RUBCN: variants seen among roughly 807,000 people sequenced by gnomAD.
RUBCN encodes the protein run domain Beclin-1-interacting and cysteine-rich domain-containing protein.
Under a neutral mutation model 113.2 loss-of-function variants are expected in RUBCN, and 74 were observed. The ratio of observed to expected loss-of-function variants is 0.65; its 90% CI spans 0.54 to 0.79. The LOEUF is 0.79. Among genes scored for constraint, RUBCN ranks in the 30% least tolerant of loss-of-function variants. RUBCN has a pLI of 0.00. For missense variants in RUBCN, 1,109 were observed against 1,251.7 expected, an observed-to-expected ratio of 0.89 and a Z score of 1.72; for synonymous variants, 480 against 490.0, an observed-to-expected ratio of 0.98 and a Z score of 0.27.
chr3:197,726,090 G>A (rs1726713907), intron 1 of RUBCN, among the ~76,000 whole-genome samples: 2 of 152,020 alleles, frequency 1.3e-5, no homozygotes, highest in Admixed American at 1.3e-4. Context: ...ACCCACTATA[G>A]CTCCTTTATT....
At chr3:197,684,968 T>G (rs1317136389) in intron 11 of RUBCN, among the ~76,000 whole-genome samples, 1 of 152,168 alleles carries the variant, frequency 6.6e-6, no homozygotes, top group Non-Finnish European at 1.5e-5. Context: ...TTAGAAAAGC[T>G]TCATGGAGGA....
chr3:197,703,431 A>AAAAAC, intron 5 of RUBCN, 117 bp downstream of exon 5: 1 of 473,952 alleles, frequency 2.1e-6, no homozygotes, highest in Non-Finnish European at 3.9e-6. Flanking sequence ...AAAAAAAAAA[A>AAAAAC]ATGCAAGCCT....
upstream of RUBCN, among the ~76,000 whole-genome samples, chr3:197,739,242 T>A (rs965334567): frequency 7.7e-5 from 11 of 142,698 alleles, no homozygotes; most frequent in African/African-American, 3.3e-4. Context: ...TACAAAAAAA[T>A]TAGCCGGGCA....
chr3:197,727,059 C>T (rs2108986659), intron 1 of RUBCN, among the ~76,000 whole-genome samples: 1 of 151,908 alleles, frequency 6.6e-6, no homozygotes, highest in South Asian at 2.1e-4. Flanking sequence ...CCTGCCTCAG[C>T]CTCCCAAGTA....
Position 197,694,216 on chromosome 3 carries a change from G to A in RUBCN, c.1684+159C>T, listed in dbSNP as rs533363569. ...TGGAAGGCAGGTATTTCTGATGCAGGAAACGGAGCGACTCTAGGATGAGTA... is the reference window on the plus strand; with the variant it reads ...TGGAAGGCAGGTATTTCTGATGCAGAAAACGGAGCGACTCTAGGATGAGTA... On this transcript the variant is annotated intron_variant, in intron 10 of 19. Transcript: ENST00000296343. 7 of 773,930 alleles carry A rather than the reference G, an allele frequency of 9.0e-6. No individual in the cohort carries two copies. The African/African-American group carries it at 1.0e-4, about 11-fold the overall frequency. The allele number at this position is 773,930 out of a possible 1,614,324, so 47.9% of individuals were successfully genotyped here.
At chr3:197,725,787 A>G (rs1726674519) in intron 1 of RUBCN, among the ~76,000 whole-genome samples, 1 of 152,232 alleles carries the variant, frequency 6.6e-6, no homozygotes, top group African/African-American at 2.4e-5. Context: ...TGGATTTAAC[A>G]TACGGATGAA....
chr3:197,745,621 A>T (rs1005675085), intron 1 of RUBCN, among the ~76,000 whole-genome samples: 28 of 150,426 alleles, frequency 1.9e-4, no homozygotes, highest in African/African-American at 6.8e-4. Flanking sequence ...ATCTCAAAAA[A>T]AAAAAGGCAA....
At chr3:197,735,337 T>A (rs1727996356) in intron 1 of RUBCN, among the ~76,000 whole-genome samples, 1 of 152,226 alleles carries the variant, frequency 6.6e-6, no homozygotes, top group African/African-American at 2.4e-5. Flanking sequence ...AGTTGGAGGC[T>A]GCAGTGAGCC....
intron 2 of RUBCN, among the ~76,000 whole-genome samples, chr3:197,707,793 T>C (rs1262759303): frequency 1.3e-5 from 2 of 149,852 alleles, no homozygotes; most frequent in Non-Finnish European, 3.0e-5. Flanking sequence ...GGTGAAACCC[T>C]GTCTCTACTA....
intron 1 of RUBCN, among the ~76,000 whole-genome samples, chr3:197,727,403 C>T (rs1037133120): frequency 6.6e-5 from 10 of 152,160 alleles, no homozygotes; most frequent in Non-Finnish European, 1.0e-4. Flanking sequence ...GCCATTTTCC[C>T]CCTGTGAACT....
chr3:197,698,244 T>C (rs1402734162), intron 7 of RUBCN, among the ~76,000 whole-genome samples: 1 of 152,246 alleles, frequency 6.6e-6, no homozygotes, highest in Non-Finnish European at 1.5e-5. Context: ...AACGCTATTC[T>C]AAATGATGGT....
intron 7 of RUBCN, among the ~76,000 whole-genome samples, chr3:197,697,604 C>A (rs1445077774): frequency 6.6e-6 from 1 of 152,114 alleles, no homozygotes; most frequent in East Asian, 1.9e-4. Context: ...CGGGGCTCGG[C>A]CCGGCCTTAC....
chr3:197,681,661 G>A lies in RUBCN; in HGVS notation c.2191+174C>T, dbSNP rs1721254545. On this transcript the variant is annotated intron_variant, in intron 15 of 19. Coordinates refer to ENST00000296343, the MANE Select transcript of RUBCN (RefSeq NM_014687.4). This position sits in a 1 kb window ranked among gnomAD's most constrained non-coding sequence, Gnocchi z 5.5. ...ATACAATCCTGGCCATGTGCTCCCA[G>A]AAATCATTTCCCTCCGATTGCCAGC... Among the ~76,000 whole-genome samples the A allele has an allele frequency of 6.6e-6, 1 of 152,206 alleles. No homozygotes were observed. Among genetic ancestry groups the A allele is most frequent in the Admixed American group, 6.5e-5 (1 of 15,280 alleles).
Position 197,684,196 on chromosome 3 carries a change from G to C in RUBCN, c.1808C>G (p.Thr603Arg), listed in dbSNP as rs549599895. 6.8e-6 allele frequency: 11 copies of C among 1,613,608 alleles called. No homozygotes were observed. Among genetic ancestry groups the C allele is most frequent in the African/African-American group, 1.3e-5 (1 of 74,876 alleles). Reference sequence around the variant, plus strand: ...AACGAAGGATTTGCTGCTTGAGGCTGTGTTCCTTCTGATGTCAGCATCTAC... The same window carrying C: ...AACGAAGGATTTGCTGCTTGAGGCTCTGTTCCTTCTGATGTCAGCATCTAC... ...EIQDADIRRN[T>R]ASSSKSFVSS... Residue 603 changes from threonine (T) to arginine (R), a missense_variant, in exon 12 of 20, where the codon ACA becomes AGA. Around this residue, in one of 3 missense-constraint regions of RUBCN, gnomAD observed 736 missense variants for 779.6 expected, o/e 0.94. Transcript: ENST00000296343.
intron 1 of RUBCN, among the ~76,000 whole-genome samples, chr3:197,729,596 T>C (rs1473510769): frequency 6.6e-6 from 1 of 151,984 alleles, no homozygotes; most frequent in Non-Finnish European, 1.5e-5. Flanking sequence ...TCTCGATCTG[T>C]TGCCCAGGGT....
At chr3:197,705,197 T>C (rs761266296) in intron 2 of RUBCN, 22 bp from the exon 3 acceptor site, 6 of 1,606,786 alleles carry the variant, frequency 3.7e-6, no homozygotes, top group Admixed American at 3.3e-5. Context: ...ACACATACAA[T>C]GAGCAAATCA....
At chr3:197,692,243 C>T (rs981502706) in intron 11 of RUBCN, among the ~76,000 whole-genome samples, 6 of 151,940 alleles carry the variant, frequency 3.9e-5, no homozygotes, top group African/African-American at 1.2e-4. Context: ...TCCTGGTTGG[C>T]GAACACATCA....
chr3:197,690,411 A>G (rs897294407), intron 11 of RUBCN, among the ~76,000 whole-genome samples: 8 of 152,222 alleles, frequency 5.3e-5, no homozygotes, highest in African/African-American at 1.9e-4. Flanking sequence ...GCACTCCAGC[A>G]TGGGCAACAA....
chr3:197,674,940 G>T lies in RUBCN; in HGVS notation c.*78C>A. 1.5e-6 allele frequency: 2 copies of T among 1,302,168 alleles called. No homozygotes were observed. Among genetic ancestry groups the T allele is most frequent in the Non-Finnish European group, 1.1e-6 (1 of 950,932 alleles). The allele number at this position is 1,302,168 out of a possible 1,614,324, so 80.7% of individuals were successfully genotyped here. ...AAAAAAAAAAAAAGAAGCCCCAGGT[G>T]GGGCGAGTCCTTCAAAGAGTGGCTC... is the stretch of plus-strand genomic sequence containing the variant. On this transcript the variant is annotated 3_prime_UTR_variant, in exon 20 of 20. Transcript: ENST00000296343.
Sources: gnomAD v4.1 joint callset for allele counts (sites outside exome capture counted in the v4.1 genomes callset) on GRCh38, gnomAD v4.1.1 for gene constraint, gnomAD v4.1.1 regional missense constraint, Gnocchi (gnomAD v3.1) non-coding constraint, MANE v1.5 for transcripts, NCBI Gene and HGNC (gene_info 2026-07-23, HGNC 2026-07-21) for gene names.